PRUNE2: variants seen among roughly 807,000 people sequenced by gnomAD.
The protein encoded by PRUNE2 is prune homolog 2 with BCH domain, also known as protein prune homolog 2.
In PRUNE2, 164 loss-of-function variants were observed where a neutral mutation model predicts 252.0. The observed-to-expected ratio is 0.65, with a 90% CI of 0.57 to 0.74. The LOEUF (loss-of-function observed/expected upper bound fraction) is 0.74. Ranked by LOEUF, PRUNE2 falls within the 30% of genes least tolerant of loss-of-function variation. The pLI is 0.00. For synonymous variants in PRUNE2, 1,292 were observed against 1,350.2 expected, an observed-to-expected ratio of 0.96 and a Z score of 0.94; for missense variants, 3,495 against 3,711.0, an observed-to-expected ratio of 0.94 and a Z score of 1.51.
chr9:76,730,908 A>G (rs2048506611), intron 6 of PRUNE2, among the ~76,000 whole-genome samples: 1 of 152,242 alleles, frequency 6.6e-6, no homozygotes, highest in Non-Finnish European at 1.5e-5. Context: ...TCTCAAAAAA[A>G]TAAAGAGACG....
intron 9 of PRUNE2, among the ~76,000 whole-genome samples, chr9:76,658,367 C>A (rs555388489): frequency 3.3e-5 from 5 of 152,080 alleles, no homozygotes; most frequent in Admixed American, 1.3e-4. Context: ...CCACTCCCCC[C>A]CAAAAAGAAG....
At chr9:76,815,332 G>A (rs903363333) in intron 6 of PRUNE2, among the ~76,000 whole-genome samples, 3 of 152,204 alleles carry the variant, frequency 2.0e-5, no homozygotes, top group Non-Finnish European at 2.9e-5. Flanking sequence ...CTTAGACTGG[G>A]TAATGTATAA....
At chr9:76,719,581 T>C (rs1452038124) in intron 6 of PRUNE2, among the ~76,000 whole-genome samples, 3 of 152,018 alleles carry the variant, frequency 2.0e-5, no homozygotes, top group Non-Finnish European at 2.9e-5. Context: ...ACTTAGGAGT[T>C]TGAGACCAGC....
chr9:76,649,961 G>T (rs944144897), intron 11 of PRUNE2, among the ~76,000 whole-genome samples: 2 of 150,150 alleles, frequency 1.3e-5, no homozygotes, highest in African/African-American at 4.9e-5. Flanking sequence ...AGAGTCTCCC[G>T]CAAGTCAGGA....
intron 6 of PRUNE2, among the ~76,000 whole-genome samples, chr9:76,747,179 G>C (rs1300625730): frequency 6.6e-6 from 1 of 152,174 alleles, no homozygotes; most frequent in Non-Finnish European, 1.5e-5. Context: ...GGTGTGCAGG[G>C]AAATACCGCC....
intron 5 of PRUNE2, 38 bp downstream of exon 5, chr9:76,826,542 T>G (rs749830535): frequency 2.8e-5 from 41 of 1,478,136 alleles, no homozygotes; most frequent in Non-Finnish European, 3.6e-5. Flanking sequence ...CCATCCCTAC[T>G]CGGGAGGGAC....
intron 3 of PRUNE2, among the ~76,000 whole-genome samples, chr9:76,847,603 TG>T (rs1322248066): frequency 6.6e-6 from 1 of 152,156 alleles, no homozygotes; most frequent in African/African-American, 2.4e-5. Flanking sequence ...GTCACCGTGG[TG>T]TAGAGAAAAC....
intron 1 of PRUNE2, among the ~76,000 whole-genome samples, chr9:76,889,142 G>A (rs983252396): frequency 1.3e-5 from 2 of 151,876 alleles, no homozygotes; most frequent in Non-Finnish European, 2.9e-5. Context: ...TGACCCCACC[G>A]TGCCCGGTCG....
intron 9 of PRUNE2, among the ~76,000 whole-genome samples, chr9:76,667,954 G>A (rs1157303997): frequency 2.0e-5 from 3 of 152,202 alleles, no homozygotes; most frequent in Admixed American, 6.5e-5. Context: ...TGGGCTTGGT[G>A]GGTAGCGTAG....
chr9:76,808,457 T>C (rs927715582), intron 6 of PRUNE2: 5 of 152,288 alleles, frequency 3.3e-5, no homozygotes, highest in African/African-American at 1.2e-4. Flanking sequence ...TGAGTCCGGT[T>C]GTGCCTCTGG....
intron 12 of PRUNE2, among the ~76,000 whole-genome samples, chr9:76,641,231 A>C (rs1842449509): frequency 6.6e-6 from 1 of 152,222 alleles, no homozygotes; most frequent in African/African-American, 2.4e-5. Context: ...TATAAATGAA[A>C]ATGTGTTATT....
intron 9 of PRUNE2, chr9:76,692,014 T>A: frequency 4.2e-6 from 3 of 715,510 alleles, no homozygotes; most frequent in Non-Finnish European, 5.2e-6. Context: ...AACAACACTC[T>A]CCATCTCATT....
intron 1 of PRUNE2, among the ~76,000 whole-genome samples, chr9:76,894,717 C>CAAAA (rs113594017): frequency 1.5e-4 from 18 of 120,660 alleles, no homozygotes; most frequent in African/African-American, 6.2e-4. Flanking sequence ...TTTTCTGCAG[C>CAAAA]AAAAAAAAAA....
chr9:76,882,202 T>C (rs1440303736), intron 1 of PRUNE2, among the ~76,000 whole-genome samples: 1 of 152,176 alleles, frequency 6.6e-6, no homozygotes, highest in Admixed American at 6.5e-5. Context: ...ACAGATTTCG[T>C]GTACAAATTT....
chr9:76,903,313 T>A (rs373459082), intron 1 of PRUNE2, among the ~76,000 whole-genome samples: 3 of 152,224 alleles, frequency 2.0e-5, no homozygotes, highest in African/African-American at 7.2e-5. Context: ...TCATTAACTA[T>A]TTCAAACCAT....
At position 76,710,111 on chromosome 9, in the gene PRUNE2, A is replaced by G. The variant is rs2134987251; in HGVS notation, c.2163T>C (p.Gly721=). Residue 721 remains glycine, a synonymous_variant, in exon 8 of 19, where the codon GGT becomes GGC. Transcript: ENST00000376718. The part of the protein sequence containing the change: ...TKSGPWESEF[G]QPELGSNDIQ... The stretch of plus-strand genomic sequence containing the variant: ...TATCATTGCTACCCAGTTCAGGCTG[A>G]CCAAATTCAGACTCCCAGGGACCTG... The G allele has an allele frequency of 6.2e-7, 1 of 1,613,978 alleles. No individual in the cohort carries two copies. Among genetic ancestry groups the G allele is most frequent in the Non-Finnish European group, 8.5e-7 (1 of 1,179,888 alleles).
chr9:76,783,015 A>G (rs1259554934), intron 6 of PRUNE2, among the ~76,000 whole-genome samples: 1 of 152,134 alleles, frequency 6.6e-6, no homozygotes, highest in East Asian at 1.9e-4. Flanking sequence ...CATTTTCCTT[A>G]GGTTTCTTTT....
At chr9:76,662,869 C>T (rs1026304030) in intron 9 of PRUNE2, among the ~76,000 whole-genome samples, 4 of 152,194 alleles carry the variant, frequency 2.6e-5, no homozygotes, top group African/African-American at 7.2e-5. Context: ...CTCCTGGCTT[C>T]TTTCTAGTCT....
At position 76,613,634 on chromosome 9, in the gene PRUNE2, T is replaced by C. The variant is rs908912404; in HGVS notation, c.*936A>G. ...GCATATGAAGACTATAAAGGAAATA[T>C]TTTGTACATGAAAGTAATACTCATA... On this transcript the variant is annotated 3_prime_UTR_variant, in exon 19 of 19. Coordinates refer to ENST00000376718, the MANE Select transcript of PRUNE2 (RefSeq NM_015225.3). 9 of 152,338 alleles carry C rather than the reference T, an allele frequency of 5.9e-5. No homozygotes were observed. Among genetic ancestry groups the C allele is most frequent in the Admixed American group, 5.2e-4 (8 of 15,300 alleles). 9.4% of individuals were successfully genotyped at this position (152,338 alleles called of 1,614,324 possible).
Sources: allele counts gnomAD v4.1 joint callset (sites outside exome capture counted in the v4.1 genomes callset), GRCh38; gene constraint gnomAD v4.1.1; transcripts MANE v1.5; gene names NCBI Gene and HGNC (gene_info 2026-07-23, HGNC 2026-07-21).